TMEM132B: variants seen among roughly 807,000 people sequenced by gnomAD.
TMEM132B encodes transmembrane protein 132B.
A neutral mutation model predicts 90.8 loss-of-function variants in TMEM132B; 18 were observed. The ratio of observed to expected loss-of-function variants is 0.20; its 90% CI spans 0.14 to 0.29. The LOEUF (loss-of-function observed/expected upper bound fraction) is 0.29. TMEM132B is among the 10% of genes least tolerant of loss of function. TMEM132B has a pLI of 1.00. For missense variants in TMEM132B, 1,096 were observed against 1,326.8 expected (o/e 0.83, Z 2.70); for synonymous variants, 504 against 523.3 (o/e 0.96, Z 0.50).
At chr12:125,626,656 T>C (rs1169491403) in intron 5 of TMEM132B, among the ~76,000 whole-genome samples, 1 of 152,162 alleles carries the variant, frequency 6.6e-6, no homozygotes, top group Non-Finnish European at 1.5e-5. Flanking sequence ...CAACAAGAAG[T>C]CTGCCGTAAT....
intron 4 of TMEM132B, among the ~76,000 whole-genome samples, chr12:125,569,805 C>A (rs909201291): frequency 2.6e-5 from 4 of 152,122 alleles, no homozygotes; most frequent in South Asian, 4.2e-4. Flanking sequence ...AAATGGCCAA[C>A]AACTGCTTCT....
chr12:125,521,642 C>T (rs139997158), intron 4 of TMEM132B, among the ~76,000 whole-genome samples: 2 of 152,258 alleles, frequency 1.3e-5, no homozygotes, highest in African/African-American at 4.8e-5. Context: ...GGGTTATTAC[C>T]AGAGCCCAGG....
chr12:125,495,325 C>CT (rs1882532952), intron 3 of TMEM132B, among the ~76,000 whole-genome samples: 1 of 150,568 alleles, frequency 6.6e-6, no homozygotes, highest in Non-Finnish European at 1.5e-5. Context: ...CCCCTCCTCC[C>CT]TGGAAATGGC....
intron 2 of TMEM132B, among the ~76,000 whole-genome samples, chr12:125,371,227 C>T (rs1468270116): frequency 6.6e-6 from 1 of 152,178 alleles, no homozygotes; most frequent in Non-Finnish European, 1.5e-5. Context: ...GGATGGTGAC[C>T]ACCCACATTG....
chr12:125,364,008 C>G (rs888059078), intron 2 of TMEM132B, among the ~76,000 whole-genome samples: 4 of 152,148 alleles, frequency 2.6e-5, no homozygotes, highest in African/African-American at 9.7e-5. Context: ...AAGAACAAAG[C>G]AAATTATTAG....
chr12:125,217,311 T>C (rs1227882518), intron 1 of TMEM132B, among the ~76,000 whole-genome samples: 1 of 152,104 alleles, frequency 6.6e-6, no homozygotes, highest in African/African-American at 2.4e-5. Context: ...GGTCACTCAC[T>C]CTCCTCTCTG....
At chr12:125,396,384 C>A (rs762784505) in intron 2 of TMEM132B, among the ~76,000 whole-genome samples, 2 of 152,226 alleles carry the variant, frequency 1.3e-5, no homozygotes, top group Non-Finnish European at 2.9e-5. Flanking sequence ...ACACTCTTAT[C>A]ACCCACATCA....
In TMEM132B at chr12:125,459,135, T is replaced by C. The variant is rs1057003789; in HGVS notation, c.1106+43458T>C. Among the ~76,000 whole-genome samples, 3 of 152,214 alleles carry C rather than the reference T, an allele frequency of 2.0e-5. No homozygotes were observed. The highest frequency in any genetic ancestry group is 7.2e-5 in the African/African-American group (3 of 41,456). ...CCCTGAGGCTCCCTGCTAATTGCTG[T>C]TTCTCATGTGTCCATGCCTGTGTGG... On this transcript the variant is annotated intron_variant, in intron 3 of 8. Coordinates refer to ENST00000682704, the MANE Select transcript of TMEM132B (RefSeq NM_001366854.1). The surrounding 1 kb of genome is among the most constrained non-coding windows in gnomAD (Gnocchi z 4.1).
At chr12:125,203,980 C>T (rs76182706) in intron 1 of TMEM132B, among the ~76,000 whole-genome samples, 1,706 of 152,336 alleles carry the variant, frequency 0.011, 26 homozygotes, top group East Asian at 0.088. Context: ...TATAGAGAAC[C>T]TTAAAGGAAT....
chr12:125,647,896 C>T (rs61940800), intron 6 of TMEM132B, among the ~76,000 whole-genome samples: 1 of 123,468 alleles, frequency 8.1e-6, no homozygotes, highest in South Asian at 2.5e-4. Context: ...ACAATTGTAT[C>T]CTTTTTTTTT....
At chr12:125,201,162 G>A (rs910612513) in intron 1 of TMEM132B, among the ~76,000 whole-genome samples, 1 of 152,154 alleles carries the variant, frequency 6.6e-6, no homozygotes, top group East Asian at 1.9e-4. Context: ...GCTGCTGAGA[G>A]GGTCTGCATA....
At chr12:125,296,314 C>T (rs917544198) in intron 1 of TMEM132B, among the ~76,000 whole-genome samples, 7 of 152,206 alleles carry the variant, frequency 4.6e-5, no homozygotes, top group African/African-American at 1.7e-4. Context: ...CTTTTGTTCC[C>T]GTTGTTCCCT....
chr12:125,627,692 T>C (rs1350643426), intron 5 of TMEM132B, among the ~76,000 whole-genome samples: 1 of 152,152 alleles, frequency 6.6e-6, no homozygotes, highest in Non-Finnish European at 1.5e-5. Context: ...CTAGTTATTT[T>C]AAAATGTACA....
At chr12:125,527,875 G>T (rs1408829491) in intron 4 of TMEM132B, among the ~76,000 whole-genome samples, 1 of 152,232 alleles carries the variant, frequency 6.6e-6, no homozygotes, top group Non-Finnish European at 1.5e-5. Flanking sequence ...TTTAGTGAAT[G>T]AAAAGAGAGA....
chr12:125,600,970 A>G (rs1885555978), intron 5 of TMEM132B, among the ~76,000 whole-genome samples: 1 of 152,208 alleles, frequency 6.6e-6, no homozygotes, highest in Admixed American at 6.5e-5. Context: ...TCATAAAACA[A>G]GTTCTTAAGA....
intron 3 of TMEM132B, among the ~76,000 whole-genome samples, chr12:125,417,176 G>T (rs1384590600): frequency 6.6e-6 from 1 of 151,832 alleles, no homozygotes. Context: ...GCTCTTCCAG[G>T]CATCATAGAC....
intron 6 of TMEM132B, among the ~76,000 whole-genome samples, chr12:125,647,110 A>G (rs1401248323): frequency 6.6e-6 from 1 of 152,224 alleles, no homozygotes; most frequent in Non-Finnish European, 1.5e-5. Flanking sequence ...GAGATGACAG[A>G]GGATAAAATC....
intron 1 of TMEM132B, among the ~76,000 whole-genome samples, chr12:125,195,807 A>G (rs1055743229): frequency 1.3e-5 from 2 of 152,100 alleles, no homozygotes; most frequent in African/African-American, 2.4e-5. Flanking sequence ...TTCCAGGCAG[A>G]GGGAACAGCA....
chr12:125,196,436 G>A (rs1202783348), intron 1 of TMEM132B, among the ~76,000 whole-genome samples: 2 of 152,202 alleles, frequency 1.3e-5, no homozygotes, highest in African/African-American at 2.4e-5. Flanking sequence ...GGCTGGGCAC[G>A]GCGGCTCATG....
Sources: allele counts gnomAD v4.1 joint callset (sites outside exome capture counted in the v4.1 genomes callset), GRCh38; gene constraint gnomAD v4.1.1; non-coding constraint Gnocchi (gnomAD v3.1); transcripts MANE v1.5; gene names NCBI Gene and HGNC (gene_info 2026-07-23, HGNC 2026-07-21).